Variants in IGF1R observed in about 807,000 individuals in gnomAD.
The protein encoded by IGF1R is insulin like growth factor 1 receptor.
Under a neutral mutation model 144.6 loss-of-function variants are expected in IGF1R, and 44 were observed. That is an observed-to-expected ratio of 0.30 (90% CI 0.24 to 0.39). The LOEUF (loss-of-function observed/expected upper bound fraction) is 0.39. Ranked by LOEUF, IGF1R falls within the 10% of genes least tolerant of loss-of-function variation. IGF1R has a pLI of 1.00. For synonymous variants in IGF1R, 795 were observed against 722.8 expected (o/e 1.10, Z -1.60); for missense variants, 1,355 against 1,833.7 (o/e 0.74, Z 4.77).
At chr15:98,665,390 G>C (rs980956365) in intron 1 of IGF1R, among the ~76,000 whole-genome samples, 1 of 152,146 alleles carries the variant, frequency 6.6e-6, no homozygotes, top group Non-Finnish European at 1.5e-5. Context: ...TCCAGTAAGT[G>C]GGTCATTTGG....
intron 17 of IGF1R, 31 bp from the exon 18 acceptor site, chr15:98,939,170 T>A (rs2151713784): frequency 6.2e-7 from 1 of 1,604,678 alleles, no homozygotes; most frequent in Non-Finnish European, 8.5e-7. Context: ...AATCCAAAAT[T>A]CTCATGTGAA....
intron 5 of IGF1R, among the ~76,000 whole-genome samples, chr15:98,906,177 G>A (rs555660031): frequency 6.6e-6 from 1 of 152,282 alleles, no homozygotes; most frequent in African/African-American, 2.4e-5. Flanking sequence ...TCAAATTCCT[G>A]GTTTATAATT....
At chr15:98,769,630 A>G (rs1180756905) in intron 2 of IGF1R, among the ~76,000 whole-genome samples, 1 of 152,240 alleles carries the variant, frequency 6.6e-6, no homozygotes, top group African/African-American at 2.4e-5. Flanking sequence ...TCCACATTGA[A>G]TAAGAAATAA....
intron 12 of IGF1R, 96 bp downstream of exon 12, chr15:98,924,108 A>G (rs2015607338): frequency 4.1e-6 from 5 of 1,216,198 alleles, no homozygotes; most frequent in Middle Eastern, 1.9e-4. Flanking sequence ...TTAGCATAGG[A>G]CTTAAAACAA....
chr15:98,908,654 G>A (rs2014847523), intron 5 of IGF1R, 31 bp from the exon 6 acceptor site: 1 of 1,585,254 alleles, frequency 6.3e-7, no homozygotes, highest in Non-Finnish European at 8.6e-7. Flanking sequence ...GCCAAGGGCA[G>A]GTGCGCTAAC....
At chr15:98,741,934 T>C (rs1347726087) in intron 2 of IGF1R, among the ~76,000 whole-genome samples, 3 of 152,248 alleles carry the variant, frequency 2.0e-5, no homozygotes, top group Non-Finnish European at 2.9e-5. Context: ...CATGTGCACA[T>C]GTATTCAAGA....
At chr15:98,726,115 A>T (rs1596238489) in intron 2 of IGF1R, among the ~76,000 whole-genome samples, 1 of 152,212 alleles carries the variant, frequency 6.6e-6, no homozygotes, top group Non-Finnish European at 1.5e-5. Flanking sequence ...CCTCGCCAGT[A>T]TTCTTTAATC....
At chr15:98,835,107 A>ACACACACT (rs1555450816) in intron 2 of IGF1R, among the ~76,000 whole-genome samples, 42 of 134,282 alleles carry the variant, frequency 3.1e-4, no homozygotes, top group African/African-American at 1.3e-3. Context: ...ACACACACAC[A>ACACACACT]CACCCCTACA....
intron 1 of IGF1R, among the ~76,000 whole-genome samples, chr15:98,658,183 G>C (rs1567060815): frequency 6.6e-6 from 1 of 152,172 alleles, no homozygotes; most frequent in Non-Finnish European, 1.5e-5. Flanking sequence ...GCTGTGTTAT[G>C]CCTGTCTTCA....
rs74425042 is a variant in IGF1R, at chr15:98,833,641, A to G, written c.641-57684A>G. 3.3e-3 allele frequency among the ~76,000 whole-genome samples: 496 copies of G among 152,370 alleles called. 3 individuals are homozygous for G. Among genetic ancestry groups the G allele is most frequent in the African/African-American group, 0.011 (472 of 41,598 alleles). The stretch of plus-strand genomic sequence containing the variant: ...TTCCAAAACAATCTTTAAGGCAATT[A>G]TAAGCTGTTAGGAAATGTCATGTAA... On this transcript the variant is annotated intron_variant, in intron 2 of 20. Transcript: ENST00000650285.
At position 98,854,694 on chromosome 15, in the gene IGF1R, G is replaced by A. The variant is rs1222325227; in HGVS notation, c.641-36631G>A. ...CCTGCGGGAGAATGCCAGGGCAGGC[G>A]GGTCTGGGAGCCAAGAGGATTTCTC... On this transcript the variant is annotated intron_variant, in intron 2 of 20. Transcript: ENST00000650285. Among the ~76,000 whole-genome samples the A allele has an allele frequency of 2.6e-5, 4 of 152,142 alleles. No individual in the cohort carries two copies. In the East Asian group the frequency reaches 5.8e-4, roughly 22 times the overall value.
intron 1 of IGF1R, among the ~76,000 whole-genome samples, chr15:98,682,115 C>T (rs1403255730): frequency 6.6e-6 from 1 of 152,184 alleles, no homozygotes; most frequent in East Asian, 1.9e-4. Context: ...TTGGAACCTT[C>T]AGGGCAGGAC....
chr15:98,773,206 C>A (rs1024183037), intron 2 of IGF1R, among the ~76,000 whole-genome samples: 1 of 152,148 alleles, frequency 6.6e-6, no homozygotes, highest in Admixed American at 6.5e-5. Flanking sequence ...AGATGACCCC[C>A]GTGCTGCATG....
intron 2 of IGF1R, among the ~76,000 whole-genome samples, chr15:98,779,399 C>T (rs954652424): frequency 1.3e-5 from 2 of 152,186 alleles, no homozygotes; most frequent in African/African-American, 4.8e-5. Flanking sequence ...TTTAAGAACA[C>T]TGCTCTGTGC....
At position 98,784,231 on chromosome 15, in the gene IGF1R, G is replaced by A. The variant is rs527362591; in HGVS notation, c.640+76124G>A. ...ATTACAGGCGTGAGCCACCGTGCCC[G>A]GCCCCTGAATCCTATTTTTAAGTAT... On this transcript the variant is annotated intron_variant, in intron 2 of 20. Coordinates refer to ENST00000650285, the MANE Select transcript of IGF1R (RefSeq NM_000875.5). 7.9e-5 allele frequency among the ~76,000 whole-genome samples: 12 copies of A among 151,960 alleles called. No homozygotes were observed. In the East Asian group the frequency reaches 1.6e-3, roughly 20 times the overall value.
chr15:98,925,987 T>C (rs992672321), intron 13 of IGF1R, among the ~76,000 whole-genome samples: 2 of 151,762 alleles, frequency 1.3e-5, no homozygotes, highest in Admixed American at 1.3e-4. Flanking sequence ...GGCAATGAAA[T>C]AGGTATGTCA....
chr15:98,654,261 C>T (rs759779279), intron 1 of IGF1R, among the ~76,000 whole-genome samples: 6 of 152,104 alleles, frequency 3.9e-5, no homozygotes, highest in Non-Finnish European at 7.3e-5. Context: ...TCTTGACTGG[C>T]GGCACTGTCT....
At chr15:98,745,217 A>G (rs1201235552) in intron 2 of IGF1R, among the ~76,000 whole-genome samples, 1 of 152,244 alleles carries the variant, frequency 6.6e-6, no homozygotes, top group Non-Finnish European at 1.5e-5. Flanking sequence ...ACTGAATTAC[A>G]GGAGTTAAAT....
At chr15:98,848,235 T>C (rs2011410360) in intron 2 of IGF1R, among the ~76,000 whole-genome samples, 1 of 152,230 alleles carries the variant, frequency 6.6e-6, no homozygotes, top group African/African-American at 2.4e-5. Context: ...AAGGGACATA[T>C]CTTTCAAACA....
Sources: allele counts gnomAD v4.1 joint callset (sites outside exome capture counted in the v4.1 genomes callset), GRCh38; gene constraint gnomAD v4.1.1; transcripts MANE v1.5; gene names NCBI Gene and HGNC (gene_info 2026-07-23, HGNC 2026-07-21).